Variants in C12orf75 observed in about 807,000 individuals in gnomAD.
The protein encoded by C12orf75 is chromosome 12 open reading frame 75.
In C12orf75, 4 loss-of-function variants were observed where a neutral mutation model predicts 11.4. That is an observed-to-expected ratio of 0.35 (90% confidence interval 0.17 to 0.80). The LOEUF (loss-of-function observed/expected upper bound fraction) is 0.80. Ranked by LOEUF, C12orf75 falls within the 30% of genes least tolerant of loss-of-function variation. The probability of loss-of-function intolerance (pLI) is 0.52; values close to 1 mark genes in which losing one functional copy is unlikely to be tolerated. For missense variants in C12orf75, 89 were observed against 80.4 expected, an observed-to-expected ratio of 1.11 and a Z score of -0.41; for synonymous variants, 30 against 30.0, an observed-to-expected ratio of 1.00 and a Z score of 0.00.
intron 1 of C12orf75, among the ~76,000 whole-genome samples, chr12:105,343,213 A>C (rs566196213): frequency 2.0e-5 from 3 of 152,080 alleles, no homozygotes; most frequent in Non-Finnish European, 2.9e-5. Flanking sequence ...TAGTCTCTCT[A>C]TATTTTTTGG....
At chr12:105,370,094 A>G (rs768512005) in intron 5 of C12orf75, among the ~76,000 whole-genome samples, 1 of 152,216 alleles carries the variant, frequency 6.6e-6, no homozygotes, top group African/African-American at 2.4e-5. Flanking sequence ...AAAATTACTT[A>G]TGTCAGGATG....
chr12:105,360,593 G>A (rs1408528316), intron 2 of C12orf75, among the ~76,000 whole-genome samples: 2 of 152,156 alleles, frequency 1.3e-5, no homozygotes, highest in Non-Finnish European at 2.9e-5. Context: ...GTTCCCCCAT[G>A]CCCATCAGAA....
At chr12:105,333,831 C>T (rs1252230307) in intron 1 of C12orf75, among the ~76,000 whole-genome samples, 1 of 152,134 alleles carries the variant, frequency 6.6e-6, no homozygotes, top group African/African-American at 2.4e-5. Flanking sequence ...TCTATAAGAA[C>T]ATGGCAAATA....
chr12:105,338,177 T>C (rs185741145), intron 1 of C12orf75, among the ~76,000 whole-genome samples: 164 of 152,228 alleles, frequency 1.1e-3, no homozygotes, highest in African/African-American at 3.7e-3. Flanking sequence ...CTTTCATTTA[T>C]TTATTTATTT....
intron 5 of C12orf75, among the ~76,000 whole-genome samples, chr12:105,368,779 A>G (rs758587146): frequency 1.3e-5 from 2 of 152,174 alleles, no homozygotes; most frequent in Non-Finnish European, 2.9e-5. Context: ...AAGAACTAGA[A>G]CAATCTGTGG....
intron 2 of C12orf75, among the ~76,000 whole-genome samples, chr12:105,352,544 T>C (rs1303688834): frequency 6.6e-6 from 1 of 152,144 alleles, no homozygotes; most frequent in African/African-American, 2.4e-5. Context: ...TCTTCAAGTG[T>C]TTTTTGGTTG....
intron 2 of C12orf75, among the ~76,000 whole-genome samples, chr12:105,357,964 C>T (rs947824951): frequency 2.6e-5 from 4 of 152,064 alleles, no homozygotes; most frequent in African/African-American, 9.7e-5. Flanking sequence ...CCCATTTCAG[C>T]CTCCTGAGTA....
intron 1 of C12orf75, among the ~76,000 whole-genome samples, chr12:105,341,317 G>A (rs933146411): frequency 6.0e-5 from 9 of 151,130 alleles, no homozygotes; most frequent in Non-Finnish European, 1.0e-4. Context: ...TTTTTCCCCC[G>A]TTTCCTGACA....
intron 2 of C12orf75, among the ~76,000 whole-genome samples, chr12:105,350,840 T>A (rs1433402424): frequency 6.6e-6 from 1 of 152,198 alleles, no homozygotes; most frequent in Non-Finnish European, 1.5e-5. Context: ...TTTCTTTTTC[T>A]AATAAAATTT....
At chr12:105,345,479 G>C (rs1162699982) in intron 1 of C12orf75, among the ~76,000 whole-genome samples, 1 of 151,228 alleles carries the variant, frequency 6.6e-6, no homozygotes, top group African/African-American at 2.4e-5. Flanking sequence ...GGCAGCATAA[G>C]ACTCCAAAAA....
At chr12:105,354,508 C>CT (rs1892751159) in intron 2 of C12orf75, among the ~76,000 whole-genome samples, 1 of 152,148 alleles carries the variant, frequency 6.6e-6, no homozygotes, top group Admixed American at 6.5e-5. Context: ...GGACAGATTA[C>CT]AAATACAGTA....
At chr12:105,350,014 G>A (rs1892690146) in intron 2 of C12orf75, among the ~76,000 whole-genome samples, 2 of 152,186 alleles carry the variant, frequency 1.3e-5, no homozygotes, top group African/African-American at 4.8e-5. Flanking sequence ...TAGATACAAA[G>A]GAAGCAGTAA....
chr12:105,370,867 A>G lies in C12orf75; in HGVS notation c.*267A>G, dbSNP rs1385621292. 2.7e-6 allele frequency: 1 copy of G among 364,074 alleles called. No homozygotes were observed. The highest frequency in any genetic ancestry group is 5.6e-6 in the Non-Finnish European group (1 of 179,538). 22.6% of individuals were successfully genotyped at this position (364,074 alleles called of 1,614,324 possible). On this transcript the variant is annotated 3_prime_UTR_variant, in exon 6 of 6. Coordinates refer to ENST00000443585, the MANE Select transcript of C12orf75 (RefSeq NM_001145199.2). ...ACGAAAGACAAGTTAACAAACTGTC[A>G]TGGAGGCTGTTGTTGCCCAGCCAGG...
At chr12:105,343,468 CA>C (rs1487994209) in intron 1 of C12orf75, among the ~76,000 whole-genome samples, 6 of 152,152 alleles carry the variant, frequency 3.9e-5, no homozygotes, top group Non-Finnish European at 7.4e-5. Context: ...CAGTTTAAAG[CA>C]AATGGGATCT....
At chr12:105,358,368 A>G (rs1307772505) in intron 2 of C12orf75, among the ~76,000 whole-genome samples, 1 of 152,070 alleles carries the variant, frequency 6.6e-6, no homozygotes. Flanking sequence ...CAAAAAACAT[A>G]TATGTTAGCC....
intron 1 of C12orf75, among the ~76,000 whole-genome samples, chr12:105,346,254 C>T (rs192610706): frequency 1.3e-5 from 2 of 152,130 alleles, no homozygotes; most frequent in African/African-American, 4.8e-5. Context: ...ACGTATGAAA[C>T]CAAGTTGTAG....
At chr12:105,367,790 T>G (rs1215865253) in intron 5 of C12orf75, among the ~76,000 whole-genome samples, 1 of 152,148 alleles carries the variant, frequency 6.6e-6, no homozygotes, top group African/African-American at 2.4e-5. Flanking sequence ...TCACCCTTCT[T>G]CATTGCAGAA....
chr12:105,368,402 C>A (rs1281711175), intron 5 of C12orf75, among the ~76,000 whole-genome samples: 1 of 152,194 alleles, frequency 6.6e-6, no homozygotes, highest in African/African-American at 2.4e-5. Context: ...GTTATGAATT[C>A]AGGCTCTCAT....
At chr12:105,367,406 C>T in intron 4 of C12orf75, 66 bp from the exon 5 acceptor site, 1 of 585,156 alleles carries the variant, frequency 1.7e-6, no homozygotes. Context: ...GTTTAATGTT[C>T]TATAGAAAAT....
Sources: gnomAD v4.1 joint callset for allele counts (sites outside exome capture counted in the v4.1 genomes callset) on GRCh38, gnomAD v4.1.1 for gene constraint, MANE v1.5 for transcripts, NCBI Gene and HGNC (gene_info 2026-07-23, HGNC 2026-07-21) for gene names.